KLHL29: variants seen among roughly 807,000 people sequenced by gnomAD.
KLHL29 encodes kelch like family member 29.
Under a neutral mutation model 80.4 loss-of-function variants are expected in KLHL29, and 21 were observed. The observed-to-expected ratio is 0.26, with a 90% CI of 0.19 to 0.38. The LOEUF (loss-of-function observed/expected upper bound fraction) is 0.38, where lower values mean the gene tolerates loss of function less well. Among genes scored for constraint, KLHL29 ranks in the 10% least tolerant of loss-of-function variants. KLHL29 has a pLI of 1.00. For synonymous variants in KLHL29, 511 were observed against 526.8 expected, an observed-to-expected ratio of 0.97 and a Z score of 0.41; for missense variants, 867 against 1,223.9, an observed-to-expected ratio of 0.71 and a Z score of 4.35.
chr2:23,478,230 C>T (rs752675439), intron 2 of KLHL29, among the ~76,000 whole-genome samples: 1 of 152,162 alleles, frequency 6.6e-6, no homozygotes, highest in African/African-American at 2.4e-5. Flanking sequence ...GTAAACAAAT[C>T]ACTACGTGCA....
intron 1 of KLHL29, among the ~76,000 whole-genome samples, chr2:23,452,185 T>G (rs201082213): frequency 1.4e-5 from 2 of 144,390 alleles, no homozygotes; most frequent in African/African-American, 2.7e-5. Flanking sequence ...AAAAAAAAAT[T>G]TTTTTCTTTT....
At chr2:23,481,719 C>G (rs1664802061) in intron 2 of KLHL29, among the ~76,000 whole-genome samples, 1 of 152,168 alleles carries the variant, frequency 6.6e-6, no homozygotes, top group African/African-American at 2.4e-5. Flanking sequence ...AGTTCGAGAC[C>G]AGCCTGACTG....
intron 1 of KLHL29, among the ~76,000 whole-genome samples, chr2:23,445,991 C>G (rs1663663073): frequency 1.3e-5 from 2 of 152,164 alleles, no homozygotes; most frequent in African/African-American, 2.4e-5. Flanking sequence ...GCCTTTTTCT[C>G]TAAATTGCAA....
At chr2:23,482,775 A>G (rs1664832138) in intron 2 of KLHL29, among the ~76,000 whole-genome samples, 1 of 152,210 alleles carries the variant, frequency 6.6e-6, no homozygotes, top group Non-Finnish European at 1.5e-5. Flanking sequence ...ACTGGGGACT[A>G]CAGGATGAAT....
chr2:23,606,921 C>T (rs189074262), intron 3 of KLHL29, among the ~76,000 whole-genome samples: 2 of 152,226 alleles, frequency 1.3e-5, no homozygotes, highest in Non-Finnish European at 1.5e-5. Flanking sequence ...GAGAAACCCA[C>T]GATCAAGGCA....
At chr2:23,410,452 G>A (rs1029377427) in intron 1 of KLHL29, among the ~76,000 whole-genome samples, 2 of 152,170 alleles carry the variant, frequency 1.3e-5, no homozygotes, top group African/African-American at 4.8e-5. Flanking sequence ...AGGTATATTG[G>A]AGAAAACTGA....
At chr2:23,563,604 T>C (rs1336897051) in intron 3 of KLHL29, among the ~76,000 whole-genome samples, 2 of 152,040 alleles carry the variant, frequency 1.3e-5, no homozygotes, top group Non-Finnish European at 2.9e-5. Flanking sequence ...AGCCCGGCCA[T>C]TGTGAGGTGG....
At chr2:23,567,546 G>A (rs556962289) in intron 3 of KLHL29, among the ~76,000 whole-genome samples, 9 of 152,318 alleles carry the variant, frequency 5.9e-5, no homozygotes, top group Admixed American at 2.6e-4. Context: ...TAGAGACAAC[G>A]CTGGAGATGA....
At chr2:23,663,268 C>T (rs894280610) in intron 5 of KLHL29, among the ~76,000 whole-genome samples, 6 of 152,222 alleles carry the variant, frequency 3.9e-5, no homozygotes, top group African/African-American at 1.2e-4. Flanking sequence ...CAGAAGTGTG[C>T]TTATCTTGAG....
chr2:23,598,184 G>T (rs1668476177), intron 3 of KLHL29, among the ~76,000 whole-genome samples: 1 of 152,186 alleles, frequency 6.6e-6, no homozygotes, highest in South Asian at 2.1e-4. Flanking sequence ...CTACCTGCCA[G>T]GCATGAGTAA....
chr2:23,639,070 C>G (rs1481107801), intron 3 of KLHL29, 69 bp from the exon 4 acceptor site: 1 of 1,429,990 alleles, frequency 7.0e-7, no homozygotes, highest in African/African-American at 1.5e-5. Context: ...TAGGTCCCTC[C>G]TAGGGAGTCT....
At chr2:23,589,581 G>A (rs1021244190) in intron 3 of KLHL29, among the ~76,000 whole-genome samples, 1 of 152,232 alleles carries the variant, frequency 6.6e-6, no homozygotes, top group Non-Finnish European at 1.5e-5. Flanking sequence ...GAGCGGCCTT[G>A]GCCCCAGGAC....
intron 1 of KLHL29, among the ~76,000 whole-genome samples, chr2:23,414,602 C>T (rs1666942942): frequency 6.6e-6 from 1 of 152,134 alleles, no homozygotes; most frequent in Non-Finnish European, 1.5e-5. Context: ...CAATTTGAGC[C>T]TCTTTCCCCC....
rs1572482991 is a variant in KLHL29 at position 23,670,974 on chromosome 2, CTCTCTCCCTCCCT to C, written c.941-13424_941-13412del. Among the ~76,000 whole-genome samples the C allele has an allele frequency of 1.7e-3, 35 of 20,968 alleles. 11 individuals carry two copies. The highest frequency in any genetic ancestry group is 6.9e-3 in the South Asian group (2 of 290). The allele number at this position is 20,968 out of a possible 152,430, so 13.8% of individuals were successfully genotyped here. ...TCTCTCTCTCTCTCTCTCTCTCTCT[CTCTCTCCCTCCCT>C]CCCTCCCTCCCTCCCCCCCCCCACC... On this transcript the variant is annotated intron_variant, in intron 5 of 13. Coordinates refer to ENST00000486442, the MANE Select transcript of KLHL29 (RefSeq NM_052920.2).
At chr2:23,558,409 C>G (rs201083853) in intron 2 of KLHL29, among the ~76,000 whole-genome samples, 1 of 53,346 alleles carries the variant, frequency 1.9e-5, no homozygotes, top group African/African-American at 6.3e-5. Flanking sequence ...GACATTTTCT[C>G]TTTTTTTTTT....
chr2:23,424,419 G>C (rs1054784913), intron 1 of KLHL29, among the ~76,000 whole-genome samples: 2 of 152,132 alleles, frequency 1.3e-5, no homozygotes, highest in Non-Finnish European at 2.9e-5. Context: ...CTGTTAAATT[G>C]TTTCTATTAT....
rs1261219472 is a variant in KLHL29 at position 23,597,305 on chromosome 2, A to G, written c.285+34824A>G. Among the ~76,000 whole-genome samples, 600 of 97,496 alleles carry G rather than the reference A, an allele frequency of 6.2e-3. 3 individuals carry two copies. Among genetic ancestry groups the G allele is most frequent in the Middle Eastern group, 0.015 (3 of 206 alleles). The allele number at this position is 97,496 out of a possible 152,430, so 64.0% of individuals were successfully genotyped here. A position where few individuals can be genotyped will look rare whatever the true frequency, so the allele number is the denominator to read the frequency against. On this transcript the variant is annotated intron_variant, in intron 3 of 13. Coordinates refer to ENST00000486442, the MANE Select transcript of KLHL29 (RefSeq NM_052920.2). ...CTATCTCTCTCTCTCTCATATATAT[A>G]TATATGTGTGTGTGTGTGTGTGTGT...
rs1390885766 is a variant in KLHL29 at position 23,700,966 on chromosome 2, C to A, written c.2106-2220C>A. On this transcript the variant is annotated intron_variant, in intron 11 of 13. Transcript: ENST00000486442. The surrounding 1 kb of genome is among the most constrained non-coding windows in gnomAD (Gnocchi z 4.6). ...GCACTTCACATCTCCCCAGCACACT[C>A]CTGAGCTTCCATTTCCAGCTTTGTG... 6.6e-6 allele frequency among the ~76,000 whole-genome samples: 1 copy of A among 152,220 alleles called. No homozygotes were observed. Among genetic ancestry groups the A allele is most frequent in the Non-Finnish European group, 1.5e-5 (1 of 68,040 alleles).
chr2:23,649,231 C>T lies in KLHL29; in HGVS notation c.940+6381C>T, dbSNP rs1285041220. 2.6e-5 allele frequency among the ~76,000 whole-genome samples: 4 copies of T among 152,306 alleles called. No individual in the cohort carries two copies. In the East Asian group the frequency reaches 7.7e-4, roughly 29 times the overall value. On this transcript the variant is annotated intron_variant, in intron 5 of 13. Transcript: ENST00000486442. ...TCCCACCCTTGCCCTGACTTTCCAGCCCCCACTCCTGATACACACACCCTC... is the reference window on the plus strand; with the variant it reads ...TCCCACCCTTGCCCTGACTTTCCAGTCCCCACTCCTGATACACACACCCTC...
Sources: allele counts gnomAD v4.1 joint callset (sites outside exome capture counted in the v4.1 genomes callset), GRCh38; gene constraint gnomAD v4.1.1; non-coding constraint Gnocchi (gnomAD v3.1); transcripts MANE v1.5; gene names NCBI Gene and HGNC (gene_info 2026-07-23, HGNC 2026-07-21).